The following DACH1 variants were observed in gnomAD, a reference collection of about 807,000 sequenced individuals.
DACH1 encodes the protein dachshund family transcription factor 1, also known as dachshund homolog 1.
DACH1 carries 12 observed loss-of-function variants against 54.2 expected under a neutral mutation model. That is an observed-to-expected ratio of 0.22 (90% CI 0.14 to 0.36). The LOEUF is 0.36. Among genes scored for constraint, DACH1 ranks in the 10% least tolerant of loss-of-function variants. The pLI is 1.00. For missense variants in DACH1, 805 were observed against 929.8 expected (o/e 0.87, Z 1.75); for synonymous variants, 386 against 366.2 (o/e 1.05, Z -0.62).
intron 3 of DACH1, among the ~76,000 whole-genome samples, chr13:71,597,794 A>G (rs1465564200): frequency 2.6e-5 from 4 of 152,156 alleles, no homozygotes; most frequent in Non-Finnish European, 5.9e-5. Flanking sequence ...TGGAGGCCCT[A>G]TTATTAACAA....
At chr13:71,657,451 T>A (rs1396768114) in intron 2 of DACH1, among the ~76,000 whole-genome samples, 3 of 151,736 alleles carry the variant, frequency 2.0e-5, no homozygotes, top group African/African-American at 7.3e-5. Flanking sequence ...ACTGAGCCAG[T>A]GATCACACCA....
chr13:71,809,781 C>A (rs1887641627), intron 1 of DACH1, among the ~76,000 whole-genome samples: 1 of 152,052 alleles, frequency 6.6e-6, no homozygotes, highest in African/African-American at 2.4e-5. Context: ...AGAAAGGATG[C>A]AATGGATGGA....
intron 6 of DACH1, among the ~76,000 whole-genome samples, chr13:71,497,880 AC>A (rs1879572512): frequency 2.0e-5 from 3 of 151,046 alleles, no homozygotes; most frequent in Admixed American, 1.3e-4. Context: ...ACACACACAC[AC>A]ACACACACAC....
At chr13:71,854,596 CA>C (rs1414380759) in intron 1 of DACH1, among the ~76,000 whole-genome samples, 3 of 151,844 alleles carry the variant, frequency 2.0e-5, no homozygotes, top group African/African-American at 7.2e-5. Flanking sequence ...CTCTGAAAGA[CA>C]AAAAAGGTCA....
intron 1 of DACH1, among the ~76,000 whole-genome samples, chr13:71,763,415 A>G (rs1394791883): frequency 6.6e-6 from 1 of 152,222 alleles, no homozygotes; most frequent in Non-Finnish European, 1.5e-5. Flanking sequence ...CTTTCTGATC[A>G]CAAATGCTCA....
Position 71,440,261 on chromosome 13 carries a change from A to G in DACH1, c.*394T>C, listed in dbSNP as rs1273908138. On this transcript the variant is annotated 3_prime_UTR_variant, in exon 11 of 11. Coordinates refer to ENST00000613252, the MANE Select transcript of DACH1 (RefSeq NM_080759.6). ...CATAATTCTGTAAGTCTGGGTAACC[A>G]CTGCTACAAGAGTCTCTTGATGTGC... The G allele has an allele frequency of 6.4e-6, 1 of 157,438 alleles. No homozygotes were observed. Among genetic ancestry groups the G allele is most frequent in the Non-Finnish European group, 1.4e-5 (1 of 71,644 alleles). 9.8% of individuals were successfully genotyped at this position (157,438 alleles called of 1,614,324 possible). A position where few individuals can be genotyped will look rare whatever the true frequency, so the allele number is the denominator to read the frequency against.
chr13:71,671,057 A>AG (rs1043130111), intron 2 of DACH1, among the ~76,000 whole-genome samples: 1 of 152,040 alleles, frequency 6.6e-6, no homozygotes, highest in Non-Finnish European at 1.5e-5. Flanking sequence ...AAATATCTTT[A>AG]GGGTTTATGT....
chr13:71,556,129 C>A (rs757811696), intron 6 of DACH1, among the ~76,000 whole-genome samples: 2 of 152,082 alleles, frequency 1.3e-5, no homozygotes, highest in Non-Finnish European at 2.9e-5. Flanking sequence ...TCTCCCTCCA[C>A]GCATTTATTC....
intron 1 of DACH1, among the ~76,000 whole-genome samples, chr13:71,815,286 G>A (rs1401001547): frequency 6.8e-6 from 1 of 147,794 alleles, no homozygotes; most frequent in Non-Finnish European, 1.5e-5. Context: ...TGTTTTCTAG[G>A]TGTGGGTTTG....
chr13:71,614,601 C>T (rs1255715702), intron 3 of DACH1, among the ~76,000 whole-genome samples: 1 of 152,134 alleles, frequency 6.6e-6, no homozygotes, highest in Non-Finnish European at 1.5e-5. Context: ...TGCCAGTAAT[C>T]CTAGCACTTT....
At chr13:71,498,276 G>A (rs1040146300) in intron 6 of DACH1, among the ~76,000 whole-genome samples, 2 of 152,172 alleles carry the variant, frequency 1.3e-5, no homozygotes, top group African/African-American at 4.8e-5. Context: ...TCATCTAGTC[G>A]CAGCTACCTA....
intron 1 of DACH1, among the ~76,000 whole-genome samples, chr13:71,794,397 C>G (rs1886957900): frequency 6.6e-6 from 1 of 152,150 alleles, no homozygotes. Context: ...CATTGGTTTG[C>G]TTACCCACTA....
chr13:71,474,387 C>G (rs1412182605), intron 10 of DACH1, among the ~76,000 whole-genome samples: 1 of 152,060 alleles, frequency 6.6e-6, no homozygotes, highest in Non-Finnish European at 1.5e-5. Flanking sequence ...TTAGGCATCC[C>G]TTTGAAGAAT....
intron 6 of DACH1, among the ~76,000 whole-genome samples, chr13:71,523,168 G>A (rs1474311193): frequency 6.6e-6 from 1 of 152,068 alleles, no homozygotes; most frequent in East Asian, 1.9e-4. Context: ...AATCCTAACA[G>A]GTCACCTATG....
rs551456241 is a variant in DACH1 at position 71,764,442 on chromosome 13, A to G, written c.849-82532T>C. Among the ~76,000 whole-genome samples, 97 of 152,286 alleles carry G rather than the reference A, an allele frequency of 6.4e-4. 1 individual carries two copies. The highest frequency in any genetic ancestry group is 6.8e-3 in the Middle Eastern group (2 of 294). On this transcript the variant is annotated intron_variant, in intron 1 of 10. Transcript: ENST00000613252. Reference sequence around the variant, plus strand: ...ATTAGGATAAAAAAATTGTAAAAGAATTATAATACATTTAATTATATAAAA... The same window carrying G: ...ATTAGGATAAAAAAATTGTAAAAGAGTTATAATACATTTAATTATATAAAA...
chr13:71,506,300 C>A (rs1242981122), intron 6 of DACH1, among the ~76,000 whole-genome samples: 2 of 124,886 alleles, frequency 1.6e-5, no homozygotes, highest in Non-Finnish European at 3.2e-5. Context: ...CCCCGCCCCA[C>A]AACAGTCCCC....
chr13:71,843,870 A>T (rs1054467488), intron 1 of DACH1, among the ~76,000 whole-genome samples: 1 of 152,324 alleles, frequency 6.6e-6, no homozygotes, highest in East Asian at 1.9e-4. Flanking sequence ...AGCTTTGCCC[A>T]TTGCTTAAAC....
intron 1 of DACH1, among the ~76,000 whole-genome samples, chr13:71,823,461 C>G (rs1258348116): frequency 6.6e-6 from 1 of 152,012 alleles, no homozygotes; most frequent in African/African-American, 2.4e-5. Context: ...CTTATTTAAA[C>G]TTTTTCACTG....
chr13:71,602,366 A>C (rs1874557793), intron 3 of DACH1, among the ~76,000 whole-genome samples: 1 of 152,006 alleles, frequency 6.6e-6, no homozygotes, highest in Non-Finnish European at 1.5e-5. Flanking sequence ...AATTACAATA[A>C]ACCATATCTA....
Sources: gnomAD v4.1 joint callset for allele counts (sites outside exome capture counted in the v4.1 genomes callset) on GRCh38, gnomAD v4.1.1 for gene constraint, MANE v1.5 for transcripts, NCBI Gene and HGNC (gene_info 2026-07-23, HGNC 2026-07-21) for gene names.